The following SLIT2 variants were observed in gnomAD, a reference collection of about 807,000 sequenced individuals.
The protein encoded by SLIT2 is slit homolog 2 protein.
A neutral mutation model predicts 185.7 loss-of-function variants in SLIT2; 41 were observed. The observed-to-expected ratio is 0.22, with a 90% confidence interval of 0.17 to 0.29. The LOEUF is 0.29. Among genes scored for constraint, SLIT2 ranks in the 10% least tolerant of loss-of-function variants. SLIT2 has a pLI of 1.00. For synonymous variants in SLIT2, 693 were observed against 680.2 expected (o/e 1.02, Z -0.29); for missense variants, 1,571 against 1,909.0 (o/e 0.82, Z 3.30).
At chr4:20,408,864 C>T (rs1295916422) in intron 4 of SLIT2, among the ~76,000 whole-genome samples, 2 of 152,132 alleles carry the variant, frequency 1.3e-5, no homozygotes, top group Admixed American at 6.5e-5. Flanking sequence ...CTTATACAGA[C>T]ACTTTGTCCT....
intron 4 of SLIT2, among the ~76,000 whole-genome samples, chr4:20,433,278 A>G (rs1729120219): frequency 6.6e-6 from 1 of 152,258 alleles, no homozygotes; most frequent in South Asian, 2.1e-4. Context: ...GTGACACAAC[A>G]GAGGTGGCCT....
chr4:20,571,717 T>C (rs1725624190), intron 29 of SLIT2, among the ~76,000 whole-genome samples: 1 of 152,222 alleles, frequency 6.6e-6, no homozygotes, highest in African/African-American at 2.4e-5. Flanking sequence ...AATATAATAG[T>C]GTTGTCAGTG....
chr4:20,311,859 A>T (rs573878589), intron 4 of SLIT2, among the ~76,000 whole-genome samples: 2 of 152,296 alleles, frequency 1.3e-5, no homozygotes, highest in South Asian at 4.1e-4. Context: ...TGAATTTCTC[A>T]GGGCTTTCAA....
At chr4:20,581,058 A>G (rs1370000611) in intron 29 of SLIT2, among the ~76,000 whole-genome samples, 1 of 152,198 alleles carries the variant, frequency 6.6e-6, no homozygotes, top group Admixed American at 6.5e-5. Context: ...TTGTTTTGCT[A>G]GGGCTGCCAT....
intron 4 of SLIT2, among the ~76,000 whole-genome samples, chr4:20,375,372 G>T (rs1386452425): frequency 1.3e-5 from 2 of 151,878 alleles, no homozygotes; most frequent in East Asian, 3.9e-4. Flanking sequence ...CCTATAGCAA[G>T]GAATATGTAC....
At chr4:20,258,277 G>A (rs1712071828) in intron 3 of SLIT2, among the ~76,000 whole-genome samples, 3 of 151,596 alleles carry the variant, frequency 2.0e-5, no homozygotes, top group Non-Finnish European at 3.0e-5. Context: ...TTTTATTTGC[G>A]TTAATGGTGC....
At chr4:20,443,541 C>G (rs1259700452) in intron 4 of SLIT2, among the ~76,000 whole-genome samples, 1 of 127,804 alleles carries the variant, frequency 7.8e-6, no homozygotes, top group Non-Finnish European at 1.5e-5. Context: ...TGAACCATAG[C>G]TGAAGTATCA....
chr4:20,478,292 G>T (rs1479129239), intron 5 of SLIT2, among the ~76,000 whole-genome samples: 1 of 152,170 alleles, frequency 6.6e-6, no homozygotes, highest in African/African-American at 2.4e-5. Context: ...ACAGTATTCA[G>T]AGAACTTTTA....
At chr4:20,560,288 GT>G (rs890125236) in intron 26 of SLIT2, among the ~76,000 whole-genome samples, 5 of 151,720 alleles carry the variant, frequency 3.3e-5, no homozygotes, top group Admixed American at 1.3e-4. Context: ...CAATTTAAAT[GT>G]TTTTTTCTGC....
intron 6 of SLIT2, among the ~76,000 whole-genome samples, chr4:20,481,180 A>C (rs964097213): frequency 6.6e-6 from 1 of 152,142 alleles, no homozygotes; most frequent in African/African-American, 2.4e-5. Flanking sequence ...TCATTAAAAA[A>C]ATAAATTTTT....
chr4:20,471,881 AC>A (rs1715069423), intron 5 of SLIT2, among the ~76,000 whole-genome samples: 1 of 151,944 alleles, frequency 6.6e-6, no homozygotes, highest in South Asian at 2.1e-4. Context: ...ACTTCCCATA[AC>A]TTTTTTGCTT....
chr4:20,502,478 A>G (rs2148814847), intron 9 of SLIT2, among the ~76,000 whole-genome samples: 1 of 152,358 alleles, frequency 6.6e-6, no homozygotes, highest in Non-Finnish European at 1.5e-5. Context: ...CAGAGAATTG[A>G]AGCTTTACAC....
At chr4:20,568,733 T>TA (rs1020244031) in intron 28 of SLIT2, 132 bp from the exon 29 acceptor site, 10 of 771,768 alleles carry the variant, frequency 1.3e-5, no homozygotes, top group Non-Finnish European at 2.1e-5. Context: ...AAAAGCATTT[T>TA]AAAAAATCAA....
chr4:20,498,217 G>C (rs1453366282), intron 9 of SLIT2, among the ~76,000 whole-genome samples: 2 of 152,032 alleles, frequency 1.3e-5, no homozygotes, highest in African/African-American at 4.8e-5. Flanking sequence ...ACAAAGCAGT[G>C]TGGACTAATG....
At chr4:20,324,005 G>A (rs79766995) in intron 4 of SLIT2, among the ~76,000 whole-genome samples, 4,261 of 152,214 alleles carry the variant, frequency 0.028, 206 homozygotes, top group African/African-American at 0.098. Context: ...TTTCAAGGCA[G>A]ACCACTAAAC....
intron 4 of SLIT2, among the ~76,000 whole-genome samples, chr4:20,339,090 C>CAAAAAA (rs398051113): frequency 1.4e-3 from 100 of 70,622 alleles, no homozygotes; most frequent in East Asian, 3.3e-3. Context: ...GAGACACTCT[C>CAAAAAA]AAAAAAAAAA....
intron 4 of SLIT2, among the ~76,000 whole-genome samples, chr4:20,448,887 C>T (rs372732260): frequency 1.7e-4 from 26 of 152,138 alleles, no homozygotes; most frequent in East Asian, 1.2e-3. Context: ...CCACCTGCCT[C>T]AGACTCCCAA....
intron 5 of SLIT2, among the ~76,000 whole-genome samples, chr4:20,480,209 G>C (rs377422855): frequency 5.9e-5 from 9 of 152,166 alleles, no homozygotes; most frequent in East Asian, 5.8e-4. Flanking sequence ...TCGATTTGGA[G>C]TCCTTGAAGG....
intron 12 of SLIT2, among the ~76,000 whole-genome samples, chr4:20,519,704 A>G (rs1464224638): frequency 6.6e-6 from 1 of 152,174 alleles, no homozygotes; most frequent in East Asian, 1.9e-4. Context: ...TCTATCATTT[A>G]AAGCTTCTAC....
Sources: allele counts gnomAD v4.1 joint callset (sites outside exome capture counted in the v4.1 genomes callset), GRCh38; gene constraint gnomAD v4.1.1; transcripts MANE v1.5; gene names NCBI Gene and HGNC (gene_info 2026-07-23, HGNC 2026-07-21).